ZFHX3: variants seen among roughly 807,000 people sequenced by gnomAD.
ZFHX3 encodes the protein zinc finger homeobox 3.
A neutral mutation model predicts 279.1 loss-of-function variants in ZFHX3; 42 were observed. The ratio of observed to expected loss-of-function variants is 0.15; its 90% CI spans 0.12 to 0.19. The LOEUF (loss-of-function observed/expected upper bound fraction) is 0.19. Ranked by LOEUF, ZFHX3 falls within the 10% of genes least tolerant of loss-of-function variation. The pLI is 1.00. For missense variants in ZFHX3, 4,981 were observed against 4,754.0 expected, an observed-to-expected ratio of 1.05 and a Z score of -1.40; for synonymous variants, 2,293 against 1,957.8, an observed-to-expected ratio of 1.17 and a Z score of -4.52.
intron 1 of ZFHX3, among the ~76,000 whole-genome samples, chr16:73,691,168 C>T (rs867417563): frequency 3.3e-5 from 5 of 152,104 alleles, no homozygotes; most frequent in South Asian, 2.1e-4. Flanking sequence ...TATATAAGTT[C>T]GCCAATCAAA....
chr16:73,335,769 C>T (rs1479874455), intron 3 of ZFHX3, among the ~76,000 whole-genome samples: 1 of 152,152 alleles, frequency 6.6e-6, no homozygotes, highest in East Asian at 1.9e-4. Flanking sequence ...GGCACAGAGT[C>T]CCACTGCCTT....
chr16:73,871,969 G>A (rs1292265474), intron 1 of ZFHX3, among the ~76,000 whole-genome samples: 1 of 152,116 alleles, frequency 6.6e-6, no homozygotes, highest in Non-Finnish European at 1.5e-5. Context: ...ATGAAAATTG[G>A]CAGGTTCACC....
At chr16:72,832,519 CTCT>C (rs2037085445) in intron 4 of ZFHX3, among the ~76,000 whole-genome samples, 1 of 152,156 alleles carries the variant, frequency 6.6e-6, no homozygotes, top group African/African-American at 2.4e-5. Context: ...AAATCAAGTC[CTCT>C]TCTTGAGTTC....
chr16:72,946,789 C>G (rs1005827837), intron 3 of ZFHX3, among the ~76,000 whole-genome samples: 1 of 152,216 alleles, frequency 6.6e-6, no homozygotes, highest in African/African-American at 2.4e-5. Context: ...ACCCACATCT[C>G]TACGGGTGGA....
rs2073850 is a variant in ZFHX3 at position 72,889,428 on chromosome 16, T to G, written c.3448+303A>C. On this transcript the variant is annotated intron_variant, in intron 4 of 9. Transcript: ENST00000268489. ...TTCTGTTGGCCTGCTCCCTGGGTAG[T>G]AGCTTGTGACTTCCCTAAGACTGAG... is the stretch of plus-strand genomic sequence containing the variant. Among the ~76,000 whole-genome samples, 717 of 148,420 alleles carry G rather than the reference T, an allele frequency of 4.8e-3. 34 individuals carry two copies. The East Asian group carries it at 0.11, about 22-fold the overall frequency.
intron 3 of ZFHX3, among the ~76,000 whole-genome samples, chr16:73,380,935 T>A (rs1156588963): frequency 6.6e-6 from 1 of 152,188 alleles, no homozygotes; most frequent in Non-Finnish European, 1.5e-5. Flanking sequence ...CTGTTCTATC[T>A]TTGCTTGCTC....
At chr16:73,141,468 G>A (rs989565911) in intron 6 of ZFHX3, among the ~76,000 whole-genome samples, 1 of 151,476 alleles carries the variant, frequency 6.6e-6, no homozygotes, top group Non-Finnish European at 1.5e-5. Context: ...CTCGATCATA[G>A]TTTATTATAG....
At chr16:73,563,058 AC>A (rs919397967) in intron 2 of ZFHX3, among the ~76,000 whole-genome samples, 43 of 152,176 alleles carry the variant, frequency 2.8e-4, no homozygotes, top group Admixed American at 1.3e-4. Context: ...AACCAGCAGT[AC>A]CCAGGGTCTT....
chr16:73,076,893 G>GCACA (rs57770164), intron 8 of ZFHX3, among the ~76,000 whole-genome samples: 12 of 149,968 alleles, frequency 8.0e-5, no homozygotes, highest in African/African-American at 2.4e-4. Context: ...ATATGTATAC[G>GCACA]CACACACACA....
At chr16:73,484,593 G>A (rs1377399392) in intron 2 of ZFHX3, among the ~76,000 whole-genome samples, 2 of 152,182 alleles carry the variant, frequency 1.3e-5, no homozygotes, top group African/African-American at 4.8e-5. Context: ...CCCCAGAGGA[G>A]AGACACAGTA....
intron 2 of ZFHX3, among the ~76,000 whole-genome samples, chr16:73,618,603 G>T (rs1433463917): frequency 6.6e-6 from 1 of 152,180 alleles, no homozygotes; most frequent in African/African-American, 2.4e-5. Flanking sequence ...AAGACTCACA[G>T]GTGGATTTCA....
chr16:72,945,601 C>T (rs1247829501), intron 3 of ZFHX3, among the ~76,000 whole-genome samples: 1 of 152,136 alleles, frequency 6.6e-6, no homozygotes, highest in Non-Finnish European at 1.5e-5. Context: ...ACATTCCTTT[C>T]CTTTCATTTT....
At chr16:73,018,097 C>T (rs537073279) in intron 1 of ZFHX3, among the ~76,000 whole-genome samples, 4 of 151,944 alleles carry the variant, frequency 2.6e-5, no homozygotes, top group South Asian at 2.1e-4. Flanking sequence ...GCAATCCTCC[C>T]GCCTTAGCCT....
At chr16:73,082,618 T>G (rs890144733) in intron 8 of ZFHX3, among the ~76,000 whole-genome samples, 17 of 152,112 alleles carry the variant, frequency 1.1e-4, no homozygotes, top group Admixed American at 7.9e-4. Flanking sequence ...TTCTTTTTTT[T>G]TGTATAAGAT....
At chr16:73,008,024 C>CT (rs1963777699) in intron 1 of ZFHX3, among the ~76,000 whole-genome samples, 3 of 152,088 alleles carry the variant, frequency 2.0e-5, no homozygotes, top group East Asian at 3.9e-4. Context: ...CTTCCTTGGC[C>CT]TTTTTTCCCA....
chr16:73,000,809 C>T (rs1201740605), intron 1 of ZFHX3, among the ~76,000 whole-genome samples: 1 of 152,212 alleles, frequency 6.6e-6, no homozygotes, highest in African/African-American at 2.4e-5. Context: ...CGACACACTC[C>T]TGGAGTCTCT....
chr16:72,927,349 A>T (rs1169499181), intron 3 of ZFHX3, among the ~76,000 whole-genome samples: 2 of 152,094 alleles, frequency 1.3e-5, no homozygotes. Flanking sequence ...GTCTTTCCTT[A>T]ACAATCCTCC....
intron 3 of ZFHX3, among the ~76,000 whole-genome samples, chr16:73,405,873 G>A (rs1025400416): frequency 6.6e-6 from 1 of 152,216 alleles, no homozygotes; most frequent in Non-Finnish European, 1.5e-5. Flanking sequence ...GAATCTTCTT[G>A]AAAGGAGCGG....
chr16:72,991,572 G>T (rs936083218), intron 1 of ZFHX3, among the ~76,000 whole-genome samples: 1 of 152,210 alleles, frequency 6.6e-6, no homozygotes, highest in Non-Finnish European at 1.5e-5. Flanking sequence ...TAGCACAGTA[G>T]ATGCTTAATA....
Sources: gnomAD v4.1 joint callset for allele counts (sites outside exome capture counted in the v4.1 genomes callset) on GRCh38, gnomAD v4.1.1 for gene constraint, MANE v1.5 for transcripts, NCBI Gene and HGNC (gene_info 2026-07-23, HGNC 2026-07-21) for gene names.